The following TPRG1 variants were observed in gnomAD, a reference collection of about 807,000 sequenced individuals.
TPRG1 encodes tumor protein p63-regulated gene 1 protein.
A neutral mutation model predicts 29.3 loss-of-function variants in TPRG1; 29 were observed. The ratio of observed to expected loss-of-function variants is 0.99; its 90% confidence interval spans 0.74 to 1.35. The LOEUF (loss-of-function observed/expected upper bound fraction) is 1.35, where lower values mean the gene tolerates loss of function less well. Ranked by LOEUF, TPRG1 falls within the 40% of genes most tolerant of loss-of-function variation. The pLI, the probability that TPRG1 is intolerant of heterozygous loss-of-function variation, is 0.00. For synonymous variants in TPRG1, 130 were observed against 116.8 expected, an observed-to-expected ratio of 1.11 and a Z score of -0.73; for missense variants, 327 against 335.0, an observed-to-expected ratio of 0.98 and a Z score of 0.19.
At position 189,093,848 on chromosome 3, in the gene TPRG1, T is replaced by C. The variant is rs566885419; in HGVS notation, c.-462-33209T>C. Among the ~76,000 whole-genome samples, 11 of 152,336 alleles carry C rather than the reference T, an allele frequency of 7.2e-5. No individual in the cohort carries two copies. The Middle Eastern group carries it at 0.01, about 141-fold the overall frequency. ...TCTGTACTTATAAAATCTGCATCTT[T>C]AGAGTTGACCGTGCCTCTACGGGCC... On this transcript the variant is annotated intron_variant, in intron 4 of 10. Transcript: ENST00000433971.
chr3:189,131,442 A>G (rs1339915461), intron 2 of TPRG1, among the ~76,000 whole-genome samples: 1 of 152,198 alleles, frequency 6.6e-6, no homozygotes, highest in Non-Finnish European at 1.5e-5. Flanking sequence ...CAATAATTTG[A>G]GAATATAAAA....
chr3:189,200,185 G>C (rs1733241501), intron 1 of TPRG1, among the ~76,000 whole-genome samples: 1 of 152,196 alleles, frequency 6.6e-6, no homozygotes, highest in Non-Finnish European at 1.5e-5. Context: ...AAGGGAGAAA[G>C]CCTCCATCAA....
intron 4 of TPRG1, among the ~76,000 whole-genome samples, chr3:189,258,549 C>T (rs1443497386): frequency 6.6e-6 from 1 of 152,178 alleles, no homozygotes; most frequent in Admixed American, 6.5e-5. Context: ...AGATATGCTG[C>T]TCTCGTCAGA....
intron 4 of TPRG1, among the ~76,000 whole-genome samples, chr3:189,086,526 AT>A (rs111588968): frequency 0.11 from 15,233 of 137,096 alleles, 1,015 homozygotes; most frequent in African/African-American, 0.21. Context: ...CACCCAGCTA[AT>A]TTTTTTTTTT....
intron 3 of TPRG1, chr3:189,219,844 A>C (rs954444223): frequency 2.5e-6 from 2 of 808,220 alleles, no homozygotes; most frequent in Non-Finnish European, 3.0e-6. Context: ...CTTCATCTTT[A>C]TAAAAGATAC....
intron 1 of TPRG1, among the ~76,000 whole-genome samples, chr3:189,200,494 C>T (rs147490203): frequency 6.6e-6 from 1 of 152,270 alleles, no homozygotes; most frequent in East Asian, 1.9e-4. Flanking sequence ...CTGTTAACCC[C>T]TTCATGGGGG....
At chr3:189,226,702 C>CA (rs80133038) in intron 3 of TPRG1, among the ~76,000 whole-genome samples, 37,440 of 139,322 alleles carry the variant, frequency 0.27, 6,647 homozygotes, top group African/African-American at 0.51. Flanking sequence ...AAAAATTAAA[C>CA]AAAAAAAACC....
chr3:189,202,911 C>T (rs749510372), intron 1 of TPRG1, among the ~76,000 whole-genome samples: 2 of 152,144 alleles, frequency 1.3e-5, no homozygotes, highest in South Asian at 2.1e-4. Context: ...GTTTGATGGC[C>T]GTTTCTTTGC....
chr3:189,044,769 T>C (rs1048085649), intron 4 of TPRG1, among the ~76,000 whole-genome samples: 4 of 152,154 alleles, frequency 2.6e-5, no homozygotes, highest in African/African-American at 4.8e-5. Flanking sequence ...AGGAGAAACT[T>C]GAATGACAGA....
At chr3:189,178,678 A>G (rs1402443278) in intron 1 of TPRG1, among the ~76,000 whole-genome samples, 1 of 152,238 alleles carries the variant, frequency 6.6e-6, no homozygotes, top group Non-Finnish European at 1.5e-5. Flanking sequence ...GCAGAATCAG[A>G]CAGCAAATTA....
At chr3:189,062,057 T>C (rs1716142412) in intron 4 of TPRG1, among the ~76,000 whole-genome samples, 1 of 152,088 alleles carries the variant, frequency 6.6e-6, no homozygotes, top group African/African-American at 2.4e-5. Flanking sequence ...CAATGACAGA[T>C]TAGATAAAGA....
intron 4 of TPRG1, among the ~76,000 whole-genome samples, chr3:189,090,141 C>T (rs561207194): frequency 3.3e-5 from 5 of 151,918 alleles, no homozygotes; most frequent in Admixed American, 6.6e-5. Context: ...TAAGAACATA[C>T]GGATTCTTCT....
chr3:189,088,328 G>C (rs568544928), intron 4 of TPRG1, among the ~76,000 whole-genome samples: 212 of 152,292 alleles, frequency 1.4e-3, no homozygotes, highest in African/African-American at 4.8e-3. Context: ...GTATAAGAAT[G>C]CTTGTGATTT....
chr3:189,088,441 C>T (rs1396085362), intron 4 of TPRG1, among the ~76,000 whole-genome samples: 2 of 152,194 alleles, frequency 1.3e-5, no homozygotes, highest in Non-Finnish European at 2.9e-5. Context: ...ATCATGTCAT[C>T]TGCAAACAGG....
At chr3:189,237,649 G>A (rs1739743148) in intron 3 of TPRG1, among the ~76,000 whole-genome samples, 1 of 152,156 alleles carries the variant, frequency 6.6e-6, no homozygotes, top group South Asian at 2.1e-4. Flanking sequence ...TGTAGTCCAT[G>A]TTATGAACCT....
At chr3:189,302,665 G>A (rs1293052224) in intron 4 of TPRG1, among the ~76,000 whole-genome samples, 1 of 152,208 alleles carries the variant, frequency 6.6e-6, no homozygotes, top group Non-Finnish European at 1.5e-5. Context: ...ACAACTTAAA[G>A]TAGCATCCAG....
intron 1 of TPRG1, among the ~76,000 whole-genome samples, chr3:189,000,623 T>G (rs764358499): frequency 3.6e-4 from 55 of 152,196 alleles, no homozygotes; most frequent in Non-Finnish European, 5.4e-4. Context: ...GGCTCTGTTT[T>G]TGAGTTTTCC....
intron 4 of TPRG1, among the ~76,000 whole-genome samples, chr3:189,264,342 A>G (rs978795665): frequency 6.6e-6 from 1 of 152,198 alleles, no homozygotes; most frequent in Non-Finnish European, 1.5e-5. Context: ...GGGAAAGTTT[A>G]CTATTTGTAC....
chr3:189,259,446 T>C (rs1435822624), intron 4 of TPRG1, among the ~76,000 whole-genome samples: 2 of 148,878 alleles, frequency 1.3e-5, no homozygotes, highest in East Asian at 4.0e-4. Context: ...TGTTCAGCCA[T>C]CTTGCCCAGG....
Sources: gnomAD v4.1 joint callset for allele counts (sites outside exome capture counted in the v4.1 genomes callset) on GRCh38, gnomAD v4.1.1 for gene constraint, MANE v1.5 for transcripts, NCBI Gene and HGNC (gene_info 2026-07-23, HGNC 2026-07-21) for gene names.